NFU1: variants seen among roughly 807,000 people sequenced by gnomAD.
The protein encoded by NFU1 is NFU1 iron-sulfur cluster scaffold homolog, mitochondrial.
NFU1 carries 30 observed loss-of-function variants against 32.2 expected under a neutral mutation model. The observed-to-expected ratio is 0.93, with a 90% confidence interval of 0.70 to 1.26. The LOEUF is 1.26. NFU1 is among the 50% of genes most tolerant of loss of function. NFU1 has a pLI of 0.00. For synonymous variants in NFU1, 112 were observed against 104.6 expected (o/e 1.07, Z -0.43); for missense variants, 306 against 306.6 (o/e 1.00, Z 0.02).
intron 2 of NFU1, chr2:69,429,947 G>T: frequency 3.4e-6 from 1 of 291,310 alleles, no homozygotes; most frequent in Middle Eastern, 1.0e-3. Flanking sequence ...GAGGATGGCT[G>T]GAGCCCAGGA....
rs751624776 is a variant in NFU1 at position 69,423,700 on chromosome 2, G to C, written c.184C>G (p.Gln62Glu). ...TTTGGATTTGGGGTATCTTGTGTTTGAATAAACATGTATCTCACTAAAAAA... is the reference window on the plus strand; with the variant it reads ...TTTGGATTTGGGGTATCTTGTGTTTCAATAAACATGTATCTCACTAAAAAA... ...FYHPVRYMFI[Q>E]TQDTPNPNSL... The change falls in exon 3 of 8, where the codon CAA (glutamine) becomes GAA (glutamate). Residue 62 changes from glutamine to glutamate, a missense_variant. Coordinates refer to ENST00000410022, the MANE Select transcript of NFU1 (RefSeq NM_001002755.4). The C allele has an allele frequency of 6.2e-7, 1 of 1,600,680 alleles. No homozygotes were observed. Among genetic ancestry groups the C allele is most frequent in the Non-Finnish European group, 8.6e-7 (1 of 1,168,034 alleles).
At chr2:69,416,528 G>GT (rs1275467842) in intron 4 of NFU1, among the ~76,000 whole-genome samples, 27 of 151,768 alleles carry the variant, frequency 1.8e-4, no homozygotes, top group Non-Finnish European at 1.5e-5. Context: ...AACATAGGAT[G>GT]TAATTGCTTG....
chr2:69,402,214 C>T (rs1020982549), intron 6 of NFU1, among the ~76,000 whole-genome samples: 4 of 152,080 alleles, frequency 2.6e-5, no homozygotes, highest in Non-Finnish European at 2.9e-5. Flanking sequence ...TCATCTTTTG[C>T]GAAGTACCTG....
intron 1 of NFU1, among the ~76,000 whole-genome samples, chr2:69,433,751 C>T (rs1276783844): frequency 6.6e-6 from 1 of 152,070 alleles, no homozygotes; most frequent in Non-Finnish European, 1.5e-5. Context: ...GCTGGGATTA[C>T]ACAGCCAACG....
At chr2:69,418,746 G>A (rs1304883420) in intron 4 of NFU1, among the ~76,000 whole-genome samples, 1 of 152,048 alleles carries the variant, frequency 6.6e-6, no homozygotes, top group Non-Finnish European at 1.5e-5. Flanking sequence ...TGGGATTACA[G>A]GCGTGAGCCA....
chr2:69,424,579 T>C (rs941918938), intron 2 of NFU1, among the ~76,000 whole-genome samples: 3 of 152,118 alleles, frequency 2.0e-5, no homozygotes, highest in Non-Finnish European at 4.4e-5. Context: ...GTGAGCACTG[T>C]GCCCAGCCAA....
chr2:69,429,562 C>T (rs1411877534), intron 2 of NFU1, among the ~76,000 whole-genome samples: 3 of 151,330 alleles, frequency 2.0e-5, no homozygotes, highest in African/African-American at 7.3e-5. Flanking sequence ...TTGAGAAAAA[C>T]TACACCTGCA....
intron 4 of NFU1, chr2:69,416,113 A>C (rs767247278): frequency 2.0e-5 from 3 of 151,634 alleles, no homozygotes; most frequent in Non-Finnish European, 2.9e-5. Context: ...AAGAAAAGAA[A>C]AGAGGAAAGG....
Position 69,437,384 on chromosome 2 carries a change from A to C in NFU1, c.39T>G (p.Ala13=). The change falls in exon 1 of 8, where the codon GCT becomes GCG. Residue 13 remains alanine, a synonymous_variant. Transcript: ENST00000410022. ...ATARRGWGAA[A]VAAGLRRRFC... Reference sequence around the variant, plus strand: ...ACCGCCTGCGCAGCCCGGCGGCAACAGCCGCAGCTCCCCAGCCCCGCCTGG... The same window carrying C: ...ACCGCCTGCGCAGCCCGGCGGCAACCGCCGCAGCTCCCCAGCCCCGCCTGG... The C allele has an allele frequency of 6.2e-7, 1 of 1,609,334 alleles. No homozygotes were observed. The highest frequency in any genetic ancestry group is 8.5e-7 in the Non-Finnish European group (1 of 1,179,176).
intron 3 of NFU1, among the ~76,000 whole-genome samples, chr2:69,421,893 C>A (rs1368460248): frequency 2.6e-5 from 4 of 152,004 alleles, no homozygotes; most frequent in Non-Finnish European, 5.9e-5. Context: ...ATACAGTAGT[C>A]CCCCCTTATC....
intron 5 of NFU1, 142 bp from the exon 6 acceptor site, chr2:69,406,224 T>C (rs1672690763): frequency 1.6e-6 from 1 of 611,084 alleles, no homozygotes; most frequent in East Asian, 2.8e-5. Flanking sequence ...GGTATGGAGA[T>C]ATATTTTGGG....
chr2:69,437,180 A>C (rs1673871123), intron 1 of NFU1, 181 bp downstream of exon 1: 1 of 1,360,696 alleles, frequency 7.3e-7, no homozygotes, highest in Admixed American at 2.8e-5. Context: ...AGGCCACAGA[A>C]GCGCCGAGCT....
intron 6 of NFU1, among the ~76,000 whole-genome samples, chr2:69,405,237 TA>T (rs889617095): frequency 1.5e-4 from 22 of 151,330 alleles, no homozygotes; most frequent in Non-Finnish European, 3.1e-4. Flanking sequence ...GACTCCGTCT[TA>T]AAAAAAAACC....
upstream of NFU1, among the ~76,000 whole-genome samples, chr2:69,438,430 T>C (rs192102565): frequency 2.4e-4 from 36 of 151,946 alleles, 1 homozygote; most frequent in Admixed American, 2.1e-3. Flanking sequence ...TTATTAGCAG[T>C]AGTAGTAGTA....
chr2:69,403,094 G>C (rs1341585420), intron 6 of NFU1, among the ~76,000 whole-genome samples: 2 of 150,948 alleles, frequency 1.3e-5, no homozygotes, highest in African/African-American at 4.9e-5. Flanking sequence ...ATGTTGCCCA[G>C]GCTGGTCTCA....
chr2:69,438,605 A>C (rs962822775), upstream of NFU1, among the ~76,000 whole-genome samples: 3 of 152,070 alleles, frequency 2.0e-5, no homozygotes, highest in African/African-American at 7.2e-5. Context: ...GCCAGCTAAA[A>C]TTTGAGAATC....
rs775415701 is a variant in NFU1, at chr2:69,437,414, C to G, written c.9G>C (p.Ala3=). The part of the protein sequence containing the change: MA[A]TARRGWGAAA... Reference sequence around the variant, plus strand: ...CAGCTCCCCAGCCCCGCCTGGCCGTCGCCGCCATCTTAGTCCGGAGTGCCT... The same window carrying G: ...CAGCTCCCCAGCCCCGCCTGGCCGTGGCCGCCATCTTAGTCCGGAGTGCCT... Residue 3 remains alanine, a synonymous_variant, in exon 1 of 8, where the codon GCG becomes GCC. Transcript: ENST00000410022. The G allele has an allele frequency of 1.4e-5, 23 of 1,610,684 alleles. No individual in the cohort carries two copies. The highest frequency in any genetic ancestry group is 1.9e-5 in the Non-Finnish European group (23 of 1,179,572).
intron 5 of NFU1, chr2:69,411,171 C>A (rs1054174603): frequency 1.3e-5 from 2 of 151,840 alleles, no homozygotes; most frequent in Admixed American, 1.3e-4. Context: ...TTATTATAAA[C>A]TATATAGAAA....
intron 7 of NFU1, among the ~76,000 whole-genome samples, chr2:69,399,615 CAAAAAAA>C (rs555943713): frequency 1.9e-5 from 1 of 52,334 alleles, no homozygotes; most frequent in Non-Finnish European, 4.0e-5. Flanking sequence ...CCCGTCTCTA[CAAAAAAA>C]AAAAAAAAAA....
Sources: allele counts gnomAD v4.1 joint callset (sites outside exome capture counted in the v4.1 genomes callset), GRCh38; gene constraint gnomAD v4.1.1; transcripts MANE v1.5; gene names NCBI Gene and HGNC (gene_info 2026-07-23, HGNC 2026-07-21).